The following CUX1 variants were observed in gnomAD, a reference collection of about 807,000 sequenced individuals.
The protein encoded by CUX1 is cut like homeobox 1.
Under a neutral mutation model 158.8 loss-of-function variants are expected in CUX1, and 31 were observed. The observed-to-expected ratio is 0.20, with a 90% CI of 0.15 to 0.26. The LOEUF is 0.26. Among genes scored for constraint, CUX1 ranks in the 10% least tolerant of loss-of-function variants. The pLI, the probability that CUX1 is intolerant of heterozygous loss-of-function variation, is 1.00. For synonymous variants in CUX1, 879 were observed against 862.1 expected (o/e 1.02, Z -0.34); for missense variants, 1,589 against 2,014.6 (o/e 0.79, Z 4.04).
At chr7:101,984,072 C>G (rs1346243960) in intron 2 of CUX1, among the ~76,000 whole-genome samples, 1 of 38,420 alleles carries the variant, frequency 2.6e-5, no homozygotes, top group African/African-American at 8.9e-5. Flanking sequence ...GACTCTGTCC[C>G]CCCCCAAAAA....
At chr7:102,058,342 C>G (rs986234619) in intron 3 of CUX1, among the ~76,000 whole-genome samples, 3 of 152,172 alleles carry the variant, frequency 2.0e-5, no homozygotes, top group Admixed American at 6.5e-5. Flanking sequence ...GGCACAATCT[C>G]GGCTCACTGC....
intron 5 of CUX1, among the ~76,000 whole-genome samples, chr7:102,102,079 C>T (rs926960145): frequency 3.3e-5 from 5 of 152,052 alleles, no homozygotes; most frequent in African/African-American, 1.2e-4. Flanking sequence ...TTGAGAGAGA[C>T]GTATCACCAA....
At chr7:102,203,854 A>G (rs1795694213) in intron 18 of CUX1, among the ~76,000 whole-genome samples, 3 of 152,134 alleles carry the variant, frequency 2.0e-5, no homozygotes, top group Admixed American at 2.0e-4. Context: ...CCCAGGTCCC[A>G]CCAGCTCACC....
chr7:102,207,217 G>T (rs1009988141), intron 20 of CUX1, among the ~76,000 whole-genome samples: 10 of 152,142 alleles, frequency 6.6e-5, no homozygotes, highest in Non-Finnish European at 1.3e-4. Context: ...AGAGAAAAAG[G>T]CGATGAGCCC....
intron 1 of CUX1, among the ~76,000 whole-genome samples, chr7:101,848,071 A>G (rs977470124): frequency 3.1e-4 from 47 of 150,634 alleles, no homozygotes; most frequent in South Asian, 8.4e-4. Flanking sequence ...AAAAAAAAAA[A>G]AAAAGAAAAG....
intron 4 of CUX1, among the ~76,000 whole-genome samples, chr7:102,078,198 C>G (rs1826987590): frequency 1.3e-5 from 2 of 152,140 alleles, no homozygotes; most frequent in African/African-American, 4.8e-5. Context: ...GCCTCAGCCT[C>G]CTGAGTAGCA....
At chr7:102,176,061 C>A (rs1434557040) in intron 10 of CUX1, among the ~76,000 whole-genome samples, 1 of 152,232 alleles carries the variant, frequency 6.6e-6, no homozygotes, top group Non-Finnish European at 1.5e-5. Flanking sequence ...CTCCAGCCCC[C>A]CAGGGCCACG....
chr7:101,817,801 T>G lies in CUX1; in HGVS notation c.30+132T>G, dbSNP rs796604293. On this transcript the variant is annotated intron_variant, in intron 1 of 23. Coordinates refer to ENST00000292535, the MANE Select transcript of CUX1 (RefSeq NM_181552.4). The surrounding 1 kb of genome is among the most constrained non-coding windows in gnomAD (Gnocchi z 4.1). ...GTGCTCTGGGAGGGGATAGGAGGGT[T>G]CCTCAGGGCCCCTGGGGAACTGCAG... 2 of 1,066,640 alleles carry G rather than the reference T, an allele frequency of 1.9e-6. No individual in the cohort carries two copies. Among genetic ancestry groups the G allele is most frequent in the East Asian group, 2.9e-5 (1 of 34,654 alleles). The allele number at this position is 1,066,640 out of a possible 1,614,324, so 66.1% of individuals were successfully genotyped here.
At chr7:102,237,393 C>G (rs1554533263) in intron 22 of CUX1, among the ~76,000 whole-genome samples, 1 of 151,938 alleles carries the variant, frequency 6.6e-6, no homozygotes, top group East Asian at 1.9e-4. Context: ...AAGTGATCCT[C>G]CCATCCCAGC....
chr7:101,866,417 C>A (rs1021322292), intron 1 of CUX1, among the ~76,000 whole-genome samples: 1 of 151,982 alleles, frequency 6.6e-6, no homozygotes, highest in Non-Finnish European at 1.5e-5. Context: ...TGCGGTGAGC[C>A]GGGATTGCAC....
rs571026091 is a variant in CUX1 at position 102,100,606 on chromosome 7, A to G, written c.406+3105A>G. Among the ~76,000 whole-genome samples, 47 of 152,290 alleles carry G rather than the reference A, an allele frequency of 3.1e-4. No individual in the cohort carries two copies. In the Middle Eastern group the frequency reaches 0.01, roughly 33 times the overall value. On this transcript the variant is annotated intron_variant, in intron 5 of 23. Coordinates refer to ENST00000292535, the MANE Select transcript of CUX1 (RefSeq NM_181552.4). ...CACTTCCAAGAATAAAAGTGATTAT[A>G]ATTTGGGAAGGTGGGCGGTGCACAT...
At chr7:102,175,983 C>A (rs937171357) in intron 10 of CUX1, among the ~76,000 whole-genome samples, 12 of 152,262 alleles carry the variant, frequency 7.9e-5, no homozygotes, top group Non-Finnish European at 1.8e-4. Flanking sequence ...ACGATCCCTG[C>A]AGCTCACGCT....
intron 20 of CUX1, among the ~76,000 whole-genome samples, chr7:102,222,858 TG>T (rs71123017): frequency 0.55 from 57,815 of 106,042 alleles, 17,810 homozygotes; most frequent in East Asian, 0.93. Flanking sequence ...CTCACTCTGT[TG>T]CCCAGGCTGG....
At chr7:102,218,816 T>G (rs559436888) in intron 20 of CUX1, among the ~76,000 whole-genome samples, 1 of 150,524 alleles carries the variant, frequency 6.6e-6, no homozygotes, top group African/African-American at 2.4e-5. Context: ...ACTTTGGGAG[T>G]CTGAGGCGGG....
intron 22 of CUX1, among the ~76,000 whole-genome samples, chr7:102,236,532 T>C (rs1777846816): frequency 6.6e-6 from 1 of 152,230 alleles, no homozygotes; most frequent in South Asian, 2.1e-4. Context: ...CATCTCGGCC[T>C]CCCAAAGCGC....
At chr7:101,889,278 G>A (rs1304888575) in intron 1 of CUX1, among the ~76,000 whole-genome samples, 3 of 87,398 alleles carry the variant, frequency 3.4e-5, no homozygotes, top group Admixed American at 1.1e-4. Context: ...AAAAAAAAAA[G>A]TGCTGAGAGA....
intron 4 of CUX1, among the ~76,000 whole-genome samples, chr7:102,095,024 G>C (rs1829031776): frequency 6.6e-6 from 1 of 151,248 alleles, no homozygotes; most frequent in South Asian, 2.1e-4. Context: ...TTCCAAGACA[G>C]GATTTCGCTC....
In CUX1 at chr7:101,893,957, C is replaced by T. The variant is rs186539624; in HGVS notation, c.31-22158C>T. ...TTATTGCCTATAAAAATGAAATCTTCTTGTGGATATTTAAAAGTTTTGGTA... is the reference window on the plus strand; with the variant it reads ...TTATTGCCTATAAAAATGAAATCTTTTTGTGGATATTTAAAAGTTTTGGTA... On this transcript the variant is annotated intron_variant, in intron 1 of 23. Coordinates refer to ENST00000292535, the MANE Select transcript of CUX1 (RefSeq NM_181552.4). Among the ~76,000 whole-genome samples the T allele has an allele frequency of 2.6e-3, 400 of 152,270 alleles. 1 individual carries two copies. The highest frequency in any genetic ancestry group is 9.4e-3 in the African/African-American group (391 of 41,540).
intron 5 of CUX1, 33 bp downstream of exon 5, chr7:102,097,534 T>C (rs782121474): frequency 2.1e-5 from 31 of 1,502,588 alleles, no homozygotes; most frequent in Admixed American, 1.2e-4. Flanking sequence ...GCTTTTTCTT[T>C]TCTTCTTTTT....
Sources: gnomAD v4.1 joint callset for allele counts (sites outside exome capture counted in the v4.1 genomes callset) on GRCh38, gnomAD v4.1.1 for gene constraint, Gnocchi (gnomAD v3.1) non-coding constraint, MANE v1.5 for transcripts, NCBI Gene and HGNC (gene_info 2026-07-23, HGNC 2026-07-21) for gene names.